Variants in FHIT observed in about 807,000 individuals in gnomAD.
The protein encoded by FHIT is fragile histidine triad diadenosine triphosphatase.
A neutral mutation model predicts 17.9 loss-of-function variants in FHIT; 19 were observed. The observed-to-expected ratio is 1.06, with a 90% CI of 0.74 to 1.56. FHIT has a LOEUF of 1.56. Ranked by LOEUF, FHIT falls within the 40% of genes most tolerant of loss-of-function variation. The probability of loss-of-function intolerance (pLI) is 0.00; values close to 1 mark genes in which losing one functional copy is unlikely to be tolerated. For missense variants in FHIT, 248 were observed against 189.2 expected, an observed-to-expected ratio of 1.31 and a Z score of -1.82; for synonymous variants, 81 against 69.7, an observed-to-expected ratio of 1.16 and a Z score of -0.81.
At chr3:59,943,498 G>A (rs967637747) in intron 7 of FHIT, among the ~76,000 whole-genome samples, 2 of 152,020 alleles carry the variant, frequency 1.3e-5, no homozygotes, top group African/African-American at 4.8e-5. Context: ...GAGGCCCTTG[G>A]TAACCTTCAC....
rs73839550 is a variant in FHIT at position 59,868,941 on chromosome 3, C to T, written c.348+53405G>A. 7.2e-3 allele frequency among the ~76,000 whole-genome samples: 1,098 copies of T among 152,276 alleles called. 14 individuals carry two copies. Among genetic ancestry groups the T allele is most frequent in the African/African-American group, 0.025 (1,054 of 41,538 alleles). On this transcript the variant is annotated intron_variant, in intron 8 of 9. Transcript: ENST00000492590. ...TCACATGCTTACTCCTTGGGCCAAT[C>T]GCTGTGGCCAAGGGACAGTGTAGCT...
intron 5 of FHIT, among the ~76,000 whole-genome samples, chr3:60,368,744 T>C (rs1379124901): frequency 6.6e-6 from 1 of 152,174 alleles, no homozygotes; most frequent in African/African-American, 2.4e-5. Context: ...AAGAAATCTC[T>C]GCCTGAGACT....
intron 1 of FHIT, chr3:61,244,029 CTG>C (rs2040431050): frequency 6.6e-6 from 1 of 152,148 alleles, no homozygotes; most frequent in Non-Finnish European, 1.5e-5. Context: ...TTCCACGATG[CTG>C]TGTTATTAGA....
At chr3:61,221,871 C>A (rs2039848719) in intron 1 of FHIT, among the ~76,000 whole-genome samples, 1 of 152,220 alleles carries the variant, frequency 6.6e-6, no homozygotes, top group African/African-American at 2.4e-5. Context: ...CAACGTCCAA[C>A]CAGACTGACC....
chr3:60,926,681 A>C (rs1341671611), intron 3 of FHIT, among the ~76,000 whole-genome samples: 1 of 152,238 alleles, frequency 6.6e-6, no homozygotes, highest in East Asian at 1.9e-4. Flanking sequence ...AAAAGCTAGC[A>C]GAAGGCAAGC....
Position 61,189,905 on chromosome 3 carries a change from C to T in FHIT, c.-164+10712G>A, listed in dbSNP as rs538099769. 4.4e-4 allele frequency among the ~76,000 whole-genome samples: 67 copies of T among 152,284 alleles called. No homozygotes were observed. In the South Asian group the frequency reaches 0.013, roughly 30 times the overall value. On this transcript the variant is annotated intron_variant, in intron 2 of 9. Coordinates refer to ENST00000492590, the MANE Select transcript of FHIT (RefSeq NM_002012.4). ...TATGTAGAAAGCTGAAACTGGATCC[C>T]TTCCTTACACCTTATACAAAAGTTA...
chr3:59,834,103 C>T (rs186709523), intron 8 of FHIT, among the ~76,000 whole-genome samples: 189 of 152,206 alleles, frequency 1.2e-3, no homozygotes, highest in Middle Eastern at 6.8e-3. Flanking sequence ...ACACAATATC[C>T]AGAGACACAG....
At chr3:60,095,096 G>A (rs1024485866) in intron 5 of FHIT, among the ~76,000 whole-genome samples, 1 of 152,100 alleles carries the variant, frequency 6.6e-6, no homozygotes, top group Non-Finnish European at 1.5e-5. Context: ...GCTTAGCTGG[G>A]CAATTATGAA....
At chr3:60,091,297 AG>A in intron 5 of FHIT, among the ~76,000 whole-genome samples, 1 of 152,354 alleles carries the variant, frequency 6.6e-6, no homozygotes, top group East Asian at 1.9e-4. Flanking sequence ...AATGCTTTGA[AG>A]AAGATTTATA....
At chr3:59,774,566 A>G (rs1239955805) in intron 8 of FHIT, among the ~76,000 whole-genome samples, 8 of 152,224 alleles carry the variant, frequency 5.3e-5, no homozygotes, top group African/African-American at 7.2e-5. Flanking sequence ...ATAGTGCCTC[A>G]TCCATAGTAG....
intron 4 of FHIT, among the ~76,000 whole-genome samples, chr3:60,631,309 A>T (rs782124975): frequency 6.6e-6 from 1 of 152,206 alleles, no homozygotes; most frequent in Non-Finnish European, 1.5e-5. Context: ...ATGAAACTGT[A>T]TTAGACCATA....
At chr3:60,309,513 G>A (rs1035545985) in intron 5 of FHIT, among the ~76,000 whole-genome samples, 1 of 152,114 alleles carries the variant, frequency 6.6e-6, no homozygotes. Flanking sequence ...AGCATAGCAA[G>A]GAAATACTCA....
intron 3 of FHIT, among the ~76,000 whole-genome samples, chr3:60,958,605 C>T (rs1390462071): frequency 2.6e-5 from 4 of 152,168 alleles, no homozygotes; most frequent in Admixed American, 2.0e-4. Context: ...ATTTTGACTG[C>T]CATTCCAGGT....
In FHIT at chr3:60,301,371, A is replaced by G. The variant is rs1404579981; in HGVS notation, c.103+235489T>C. ...CAGCCATAACTTGCAAATCTGCATT[A>G]TGACTCATGAAACAAGTACACTGTA... is the stretch of plus-strand genomic sequence containing the variant. On this transcript the variant is annotated intron_variant, in intron 5 of 9. Transcript: ENST00000492590. Among the ~76,000 whole-genome samples the G allele has an allele frequency of 2.6e-5, 4 of 152,282 alleles. No homozygotes were observed. The South Asian group carries it at 8.3e-4, about 32-fold the overall frequency.
chr3:60,014,034 A>G lies in FHIT; in HGVS notation c.222T>C (p.His74=). The G allele has an allele frequency of 6.2e-7, 1 of 1,614,078 alleles. No individual in the cohort carries two copies. The highest frequency in any genetic ancestry group is 8.5e-7 in the Non-Finnish European group (1 of 1,179,958). The change falls in exon 6 of 10, where the codon CAT becomes CAC. Residue 74 remains histidine, a synonymous_variant. Coordinates refer to ENST00000492590, the MANE Select transcript of FHIT (RefSeq NM_002012.4). ...GCATGGAAAAGGTGAGAGAGGTCCCATGGAAATGTTTTTCCACCACTGTCC... is the reference window on the plus strand; with the variant it reads ...GCATGGAAAAGGTGAGAGAGGTCCCGTGGAAATGTTTTTCCACCACTGTCC... The part of the protein sequence containing the change: ...RVGTVVEKHF[H]GTSLTFSMQD...
intron 8 of FHIT, among the ~76,000 whole-genome samples, chr3:59,789,068 G>A (rs1023851145): frequency 6.6e-6 from 1 of 151,966 alleles, no homozygotes; most frequent in African/African-American, 2.4e-5. Context: ...AAAATTCACA[G>A]CCAATTTAAT....
At chr3:61,186,454 T>A (rs2038513340) in intron 2 of FHIT, among the ~76,000 whole-genome samples, 1 of 152,222 alleles carries the variant, frequency 6.6e-6, no homozygotes, top group South Asian at 2.1e-4. Context: ...AGTTAGTCTC[T>A]ATCATCCCCT....
chr3:60,024,387 C>T lies in FHIT; in HGVS notation c.104-10235G>A, dbSNP rs150919959. On this transcript the variant is annotated intron_variant, in intron 5 of 9. Coordinates refer to ENST00000492590, the MANE Select transcript of FHIT (RefSeq NM_002012.4). ...AGATTTCGTAGTGAGAGGTATTCAT[C>T]ATGTGTTCAGTGAATGAACTTCTGA... is the stretch of plus-strand genomic sequence containing the variant. 7.8e-3 allele frequency among the ~76,000 whole-genome samples: 1,192 copies of T among 152,272 alleles called. 9 individuals are homozygous for T. The highest frequency in any genetic ancestry group is 0.01 in the Non-Finnish European group (713 of 68,022).
intron 3 of FHIT, among the ~76,000 whole-genome samples, chr3:60,937,594 C>T (rs1189029104): frequency 6.3e-5 from 8 of 126,286 alleles, no homozygotes; most frequent in South Asian, 2.7e-4. Flanking sequence ...GATGGAGTCT[C>T]ACTCTGTCAC....
Sources: gnomAD v4.1 joint callset for allele counts (sites outside exome capture counted in the v4.1 genomes callset) on GRCh38, gnomAD v4.1.1 for gene constraint, MANE v1.5 for transcripts, NCBI Gene and HGNC (gene_info 2026-07-23, HGNC 2026-07-21) for gene names.